The following CACNG3 variants were observed in gnomAD, a reference collection of about 807,000 sequenced individuals.
The protein encoded by CACNG3 is voltage-dependent calcium channel gamma-3 subunit.
In CACNG3, 3 loss-of-function variants were observed where a neutral mutation model predicts 28.5. The observed-to-expected ratio is 0.11, with a 90% CI of 0.05 to 0.27. CACNG3 has a LOEUF of 0.27. CACNG3 is among the 10% of genes least tolerant of loss of function. The pLI is 1.00. For synonymous variants in CACNG3, 174 were observed against 162.2 expected, an observed-to-expected ratio of 1.07 and a Z score of -0.55; for missense variants, 236 against 414.4, an observed-to-expected ratio of 0.57 and a Z score of 3.74.
intron 1 of CACNG3, among the ~76,000 whole-genome samples, chr16:24,288,474 G>T (rs2141354418): frequency 6.6e-6 from 1 of 152,300 alleles, no homozygotes; most frequent in South Asian, 2.1e-4. Flanking sequence ...TGAAGGCCTT[G>T]GTGGCAGTTA....
intron 2 of CACNG3, among the ~76,000 whole-genome samples, chr16:24,347,552 G>A (rs937945005): frequency 1.3e-5 from 2 of 152,166 alleles, no homozygotes; most frequent in South Asian, 2.1e-4. Context: ...AGTGCTAATG[G>A]GTGATGTGAG....
At chr16:24,312,458 A>G (rs117294827) in intron 1 of CACNG3, among the ~76,000 whole-genome samples, 3,927 of 152,112 alleles carry the variant, frequency 0.026, 89 homozygotes, top group South Asian at 0.067. Flanking sequence ...CTGTTTTCTC[A>G]TCTGTAAAAA....
At chr16:24,338,438 G>A (rs139740419) in intron 1 of CACNG3, among the ~76,000 whole-genome samples, 2 of 152,222 alleles carry the variant, frequency 1.3e-5, no homozygotes, top group African/African-American at 2.4e-5. Context: ...CTGCCTTCTG[G>A]GTTCAAGTTA....
chr16:24,346,834 C>T lies in CACNG3; in HGVS notation c.295+17C>T. 1 of 1,605,094 alleles carries T rather than the reference C, an allele frequency of 6.2e-7. No homozygotes were observed. The highest frequency in any genetic ancestry group is 8.5e-7 in the Non-Finnish European group (1 of 1,171,766). ...ATCTCCTGCGTAAGTTCCCCGGCTT[C>T]TCGGGTCTCTCTGGGAGGAAGGGAT... On this transcript the variant is annotated intron_variant, in intron 2 of 3. Transcript: ENST00000005284.
chr16:24,317,664 G>GAAAGAAAGAAAGAAAGAAAGAAAGGA (rs1899394306), intron 1 of CACNG3, among the ~76,000 whole-genome samples: 1 of 85,536 alleles, frequency 1.2e-5, no homozygotes, highest in African/African-American at 5.5e-5. Flanking sequence ...AAGAAAGAAA[G>GAAAGAAAGAAAGAAAGAAAGAAAGGA]AAAGAAAGAA....
Position 24,299,108 on chromosome 16 carries a change from A to C in CACNG3, c.211+42143A>C, listed in dbSNP as rs569463112. 2.6e-5 allele frequency among the ~76,000 whole-genome samples: 4 copies of C among 152,194 alleles called. No individual in the cohort carries two copies. The East Asian group carries it at 7.7e-4, about 29-fold the overall frequency. On this transcript the variant is annotated intron_variant, in intron 1 of 3. Transcript: ENST00000005284. ...TAGTCATTATGCACAGCCCACACTT[A>C]AGGAGTAGGAAATTAGGCTTCACTT...
intron 1 of CACNG3, among the ~76,000 whole-genome samples, chr16:24,269,108 G>A (rs1898651717): frequency 2.0e-5 from 3 of 152,114 alleles, no homozygotes; most frequent in African/African-American, 7.2e-5. Flanking sequence ...ATTTGGGCAG[G>A]CAAGACCCAA....
chr16:24,287,951 A>T (rs1224332467), intron 1 of CACNG3, among the ~76,000 whole-genome samples: 2 of 152,324 alleles, frequency 1.3e-5, no homozygotes, highest in South Asian at 2.1e-4. Flanking sequence ...TTTCCAAAAC[A>T]TAAGTAAATT....
intron 1 of CACNG3, among the ~76,000 whole-genome samples, chr16:24,311,980 G>A (rs1899270929): frequency 6.6e-6 from 1 of 152,268 alleles, no homozygotes; most frequent in Non-Finnish European, 1.5e-5. Context: ...CATCACGTCT[G>A]TCCCTGGACC....
intron 1 of CACNG3, among the ~76,000 whole-genome samples, chr16:24,288,314 C>T (rs187319057): frequency 2.6e-3 from 389 of 152,178 alleles, no homozygotes; most frequent in African/African-American, 8.9e-3. Context: ...TCATTTAATC[C>T]CAAGCACAAC....
chr16:24,283,510 A>G (rs879918132), intron 1 of CACNG3, among the ~76,000 whole-genome samples: 9 of 152,224 alleles, frequency 5.9e-5, no homozygotes, highest in Non-Finnish European at 1.2e-4. Context: ...AGAGGCTAGT[A>G]TGACTGGTAG....
intron 1 of CACNG3, among the ~76,000 whole-genome samples, chr16:24,313,045 G>A (rs1004435207): frequency 4.1e-5 from 6 of 146,242 alleles, no homozygotes; most frequent in Non-Finnish European, 7.5e-5. Context: ...AAGAGAAAGA[G>A]AGGGAGAGAG....
intron 1 of CACNG3, among the ~76,000 whole-genome samples, chr16:24,301,043 CA>C (rs71381659): frequency 2.7e-3 from 278 of 104,668 alleles, no homozygotes; most frequent in East Asian, 8.7e-3. Flanking sequence ...GGCTCCATCT[CA>C]AAAAAAAAAA....
intron 1 of CACNG3, among the ~76,000 whole-genome samples, chr16:24,266,575 T>C (rs1292691496): frequency 1.3e-5 from 2 of 152,006 alleles, no homozygotes; most frequent in African/African-American, 2.4e-5. Flanking sequence ...AGCACTAACA[T>C]TGATGGACAA....
At chr16:24,269,983 A>G (rs1412802276) in intron 1 of CACNG3, among the ~76,000 whole-genome samples, 1 of 152,034 alleles carries the variant, frequency 6.6e-6, no homozygotes, top group African/African-American at 2.4e-5. Context: ...TATATGTTGT[A>G]TGGACATATT....
rs1031039057 is a variant in CACNG3 at position 24,269,887 on chromosome 16, C to T, written c.211+12922C>T. 6.7e-5 allele frequency among the ~76,000 whole-genome samples: 10 copies of T among 149,372 alleles called. No individual in the cohort carries two copies. In the East Asian group the frequency reaches 7.8e-4, roughly 12 times the overall value. On this transcript the variant is annotated intron_variant, in intron 1 of 3. Coordinates refer to ENST00000005284, the MANE Select transcript of CACNG3 (RefSeq NM_006539.4). ...TGTTTTTTTTTTTCCATTTTATCCACGAAGATTATCCAGAGTAGTTTAACA... is the reference window on the plus strand; with the variant it reads ...TGTTTTTTTTTTTCCATTTTATCCATGAAGATTATCCAGAGTAGTTTAACA...
At chr16:24,274,493 C>T (rs1898729841) in intron 1 of CACNG3, among the ~76,000 whole-genome samples, 1 of 152,154 alleles carries the variant, frequency 6.6e-6, no homozygotes, top group Admixed American at 6.5e-5. Context: ...ATTGCTCCAC[C>T]AACAGCAGGG....
intron 1 of CACNG3, among the ~76,000 whole-genome samples, chr16:24,290,800 G>A (rs981178800): frequency 2.6e-5 from 4 of 152,042 alleles, no homozygotes; most frequent in South Asian, 4.2e-4. Flanking sequence ...CACGGCCTAC[G>A]TACTTAACAA....
At position 24,257,368 on chromosome 16, in the gene CACNG3, G is replaced by GGTGAGAGA. The variant is rs1287474223; in HGVS notation, c.211+404_211+405insTGAGAGAG. Among the ~76,000 whole-genome samples, 4 of 52,864 alleles carry GGTGAGAGA rather than the reference G, an allele frequency of 7.6e-5. No homozygotes were observed. The Admixed American group carries it at 9.4e-4, about 12-fold the overall frequency. 34.7% of individuals were successfully genotyped at this position (52,864 alleles called of 152,430 possible). On this transcript the variant is annotated intron_variant, in intron 1 of 3. Coordinates refer to ENST00000005284, the MANE Select transcript of CACNG3 (RefSeq NM_006539.4). ...GGGACAAGAGGAAAGAAGTGAGGGG[G>GGTGAGAGA]GAGAGAGAGAGAGAGAGAGAGAGAG...
Sources: allele counts gnomAD v4.1 joint callset (sites outside exome capture counted in the v4.1 genomes callset), GRCh38; gene constraint gnomAD v4.1.1; transcripts MANE v1.5; gene names NCBI Gene and HGNC (gene_info 2026-07-23, HGNC 2026-07-21).